NVL: variants seen among roughly 807,000 people sequenced by gnomAD.
NVL encodes the protein nuclear VCP like.
Under a neutral mutation model 110.2 loss-of-function variants are expected in NVL, and 84 were observed. The ratio of observed to expected loss-of-function variants is 0.76; its 90% CI spans 0.64 to 0.91. The LOEUF (loss-of-function observed/expected upper bound fraction) is 0.91, where lower values mean the gene tolerates loss of function less well. Ranked by LOEUF, NVL falls within the 40% of genes least tolerant of loss-of-function variation. The probability of loss-of-function intolerance (pLI) is 0.00; values close to 1 mark genes in which losing one functional copy is unlikely to be tolerated. For synonymous variants in NVL, 354 were observed against 361.1 expected (o/e 0.98, Z 0.22); for missense variants, 882 against 1,035.9 (o/e 0.85, Z 2.04).
rs367729845 is a variant in NVL at position 224,276,662 on chromosome 1, T to C, written c.1963-1204A>G. Among the ~76,000 whole-genome samples, 8 of 152,216 alleles carry C rather than the reference T, an allele frequency of 5.3e-5. 1 individual carries two copies. In the East Asian group the frequency reaches 7.7e-4, roughly 15 times the overall value. On this transcript the variant is annotated intron_variant, in intron 16 of 22. Coordinates refer to ENST00000281701, the MANE Select transcript of NVL (RefSeq NM_002533.4). ...TGCTATTTTTTCATTTGACTAGAACTTTCTTTCCCTCACATCCTTTTGGTA... is the reference window on the plus strand; with the variant it reads ...TGCTATTTTTTCATTTGACTAGAACCTTCTTTCCCTCACATCCTTTTGGTA...
intron 19 of NVL, among the ~76,000 whole-genome samples, chr1:224,241,211 TCTAA>T (rs1033302703): frequency 5.6e-4 from 85 of 152,320 alleles, no homozygotes; most frequent in African/African-American, 2.0e-3. Flanking sequence ...ATCACTGAAA[TCTAA>T]CTATTCTTTA....
At chr1:224,273,576 AG>A (rs1421906820) in intron 17 of NVL, among the ~76,000 whole-genome samples, 1 of 152,222 alleles carries the variant, frequency 6.6e-6, no homozygotes, top group Non-Finnish European at 1.5e-5. Flanking sequence ...TGAGGGCAAC[AG>A]TTGACAATGA....
At chr1:224,235,860 GA>G (rs1215784158) in intron 20 of NVL, among the ~76,000 whole-genome samples, 2 of 150,674 alleles carry the variant, frequency 1.3e-5, no homozygotes, top group Non-Finnish European at 2.9e-5. Context: ...TTGAGCCCAG[GA>G]AGTCAAGGCT....
chr1:224,233,378 T>C (rs1307581701), intron 20 of NVL, 89 bp from the exon 21 acceptor site: 2 of 894,834 alleles, frequency 2.2e-6, no homozygotes, highest in Non-Finnish European at 3.2e-6. Context: ...ATAAGTCATA[T>C]ATTAAATAAT....
At chr1:224,227,700 G>C in intron 22 of NVL, 30 bp from the exon 23 acceptor site, 1 of 1,599,274 alleles carries the variant, frequency 6.3e-7, no homozygotes, top group African/African-American at 1.3e-5. Flanking sequence ...AGAATACAGA[G>C]ACCGTCACTG....
intron 19 of NVL, among the ~76,000 whole-genome samples, chr1:224,238,364 T>C (rs1660771090): frequency 6.6e-6 from 1 of 152,170 alleles, no homozygotes; most frequent in African/African-American, 2.4e-5. Context: ...AACGTCAGCC[T>C]GGCAAAGTGC....
intron 18 of NVL, among the ~76,000 whole-genome samples, chr1:224,265,236 G>A (rs1664380105): frequency 1.3e-5 from 2 of 152,056 alleles, no homozygotes; most frequent in Non-Finnish European, 2.9e-5. Flanking sequence ...CAGGCGCAGT[G>A]GCTCATGCCT....
chr1:224,278,434 T>C (rs1665990051), intron 16 of NVL, among the ~76,000 whole-genome samples: 1 of 152,028 alleles, frequency 6.6e-6, no homozygotes, highest in East Asian at 1.9e-4. Context: ...TTTCACCACA[T>C]TGGCCACACT....
At chr1:224,296,277 G>A (rs775580846) in intron 11 of NVL, among the ~76,000 whole-genome samples, 2 of 152,128 alleles carry the variant, frequency 1.3e-5, no homozygotes, top group East Asian at 3.9e-4. Flanking sequence ...GTAGCATCTC[G>A]CTATGTTGCC....
chr1:224,281,233 T>A (rs1226801847), intron 15 of NVL, 48 bp from the exon 16 acceptor site: 1 of 1,369,726 alleles, frequency 7.3e-7, no homozygotes. Context: ...TACACAGTAA[T>A]AATAACAATA....
intron 14 of NVL, 113 bp downstream of exon 14, chr1:224,287,662 A>G: frequency 1.3e-6 from 1 of 755,388 alleles, no homozygotes; most frequent in Non-Finnish European, 2.2e-6. Context: ...AGTTAGACAC[A>G]GTGATTATAG....
intron 14 of NVL, 72 bp from the exon 15 acceptor site, chr1:224,286,202 T>C (rs1252075891): frequency 1.8e-6 from 2 of 1,097,516 alleles, no homozygotes; most frequent in Non-Finnish European, 2.7e-6. Flanking sequence ...TATTTCCAGA[T>C]ACATATTTTA....
intron 13 of NVL, among the ~76,000 whole-genome samples, chr1:224,288,707 C>T (rs10916581): frequency 0.12 from 17,891 of 152,156 alleles, 1,589 homozygotes; most frequent in East Asian, 0.41. Context: ...GAGGAAATCA[C>T]AACCACTTAA....
At chr1:224,242,380 C>T (rs990386094) in intron 19 of NVL, among the ~76,000 whole-genome samples, 2 of 151,814 alleles carry the variant, frequency 1.3e-5, no homozygotes, top group East Asian at 1.9e-4. Flanking sequence ...TCCTATAATT[C>T]GTATTAAACA....
At chr1:224,281,260 G>A (rs1036729481) in intron 15 of NVL, 75 bp from the exon 16 acceptor site, 2 of 1,218,288 alleles carry the variant, frequency 1.6e-6, no homozygotes, top group Non-Finnish European at 2.4e-6. Flanking sequence ...ATGATGATGT[G>A]TGACAATGAA....
At chr1:224,306,781 C>T (rs985945385) in intron 6 of NVL, among the ~76,000 whole-genome samples, 5 of 152,012 alleles carry the variant, frequency 3.3e-5, no homozygotes, top group Admixed American at 3.3e-4. Context: ...TATAGTGAGC[C>T]GTGATCATGC....
chr1:224,270,134 A>G (rs1664938448), intron 17 of NVL, among the ~76,000 whole-genome samples: 1 of 152,050 alleles, frequency 6.6e-6, no homozygotes, highest in Non-Finnish European at 1.5e-5. Flanking sequence ...TTGGTAACAT[A>G]ACACTAACAG....
At chr1:224,282,971 C>T (rs1666516517) in intron 15 of NVL, among the ~76,000 whole-genome samples, 1 of 152,182 alleles carries the variant, frequency 6.6e-6, no homozygotes, top group African/African-American at 2.4e-5. Context: ...TTATCCTAGG[C>T]CACACTTTGC....
chr1:224,269,648 A>G (rs1228937432), intron 17 of NVL: 2 of 152,190 alleles, frequency 1.3e-5, no homozygotes, highest in African/African-American at 2.4e-5. Context: ...AATGAAGGAA[A>G]TGAGAAAAGT....
Sources: allele counts gnomAD v4.1 joint callset (sites outside exome capture counted in the v4.1 genomes callset), GRCh38; gene constraint gnomAD v4.1.1; transcripts MANE v1.5; gene names NCBI Gene and HGNC (gene_info 2026-07-23, HGNC 2026-07-21).